NACC2: variants seen among roughly 807,000 people sequenced by gnomAD.
NACC2 encodes the protein nucleus accumbens-associated protein 2.
In NACC2, 8 loss-of-function variants were observed where a neutral mutation model predicts 25.1. That is an observed-to-expected ratio of 0.32 (90% CI 0.19 to 0.57). The LOEUF (loss-of-function observed/expected upper bound fraction) is 0.57, where lower values mean the gene tolerates loss of function less well. NACC2 is among the 20% of genes least tolerant of loss of function. The probability of loss-of-function intolerance (pLI) is 0.89; values close to 1 mark genes in which losing one functional copy is unlikely to be tolerated. For missense variants in NACC2, 644 were observed against 650.2 expected, an observed-to-expected ratio of 0.99 and a Z score of 0.10; for synonymous variants, 435 against 294.7, an observed-to-expected ratio of 1.48 and a Z score of -4.88.
intron 5 of NACC2, among the ~76,000 whole-genome samples, chr9:136,012,854 G>C (rs1840133448): frequency 6.6e-6 from 1 of 152,224 alleles, no homozygotes; most frequent in Non-Finnish European, 1.5e-5. Flanking sequence ...CCAAGAGCGG[G>C]AGGCAGAAGC....
intron 1 of NACC2, among the ~76,000 whole-genome samples, chr9:136,089,162 C>T (rs1453553505): frequency 1.3e-5 from 2 of 152,136 alleles, no homozygotes; most frequent in Non-Finnish European, 2.9e-5. Flanking sequence ...ACCAGCGGGG[C>T]GGCAGCCACA....
At chr9:136,030,787 G>A (rs76537856) in intron 2 of NACC2, among the ~76,000 whole-genome samples, 3 of 151,906 alleles carry the variant, frequency 2.0e-5, no homozygotes, top group African/African-American at 7.3e-5. Context: ...TCAGCCTCCC[G>A]AGTAGCTGGG....
rs1020141332 is a variant in NACC2, at chr9:136,046,937, T to C, written c.886+2699A>G. Among the ~76,000 whole-genome samples, 12 of 152,292 alleles carry C rather than the reference T, an allele frequency of 7.9e-5. No individual in the cohort carries two copies. The East Asian group carries it at 1.5e-3, about 20-fold the overall frequency. On this transcript the variant is annotated intron_variant, in intron 2 of 5. Transcript: ENST00000277554. ...ACAGCCCTACAGGACAAACTGTCCA[T>C]GGTTCTTAACGCGAGAGAGGGTGGA...
chr9:136,041,064 G>A (rs1470671783), intron 2 of NACC2, among the ~76,000 whole-genome samples: 2 of 146,000 alleles, frequency 1.4e-5, no homozygotes, highest in Admixed American at 6.9e-5. Flanking sequence ...GGAAGGAAAG[G>A]AAGGAAGGAA....
intron 1 of NACC2, 108 bp from the exon 2 acceptor site, chr9:136,050,688 C>A: frequency 3.2e-6 from 2 of 632,596 alleles, no homozygotes; most frequent in South Asian, 1.8e-5. Flanking sequence ...AAAGAGCGAG[C>A]CTTCCGCACG....
rs2131136165 is a variant in NACC2 at position 136,018,106 on chromosome 9, G to A, written c.887-1677C>T. 6.6e-6 allele frequency among the ~76,000 whole-genome samples: 1 copy of A among 152,296 alleles called. No homozygotes were observed. The highest frequency in any genetic ancestry group is 2.1e-4 in the South Asian group (1 of 4,828). On this transcript the variant is annotated intron_variant, in intron 2 of 5. Transcript: ENST00000277554. This position sits in a 1 kb window ranked among gnomAD's most constrained non-coding sequence, Gnocchi z 4.4. The stretch of plus-strand genomic sequence containing the variant: ...AACCTGCACGTCCAGCAGGCTCGGG[G>A]CAGGCAGCTCCATGCAGAGCCCACC...
intron 3 of NACC2, among the ~76,000 whole-genome samples, chr9:136,015,971 C>T (rs114300341): frequency 0.018 from 2,695 of 152,266 alleles, 79 homozygotes; most frequent in African/African-American, 0.062. Flanking sequence ...GGCGGGGGGA[C>T]TGGCAACTAT....
In NACC2 at chr9:136,016,272, C is replaced by T. The variant is rs755165066; in HGVS notation, c.1044G>A (p.Leu348=). The T allele has an allele frequency of 6.2e-7, 1 of 1,612,762 alleles. No individual in the cohort carries two copies. The highest frequency in any genetic ancestry group is 1.1e-5 in the South Asian group (1 of 91,064). ...GGTGGGAGGCAGCCTCACCTGCCAC[C>T]AGCTCCAGCTTCTCCCCGGGGTCCC... ...SEGDPGEKLE[L]VAGSGVYITR... The change falls in exon 3 of 6, where the codon CTG becomes CTA. Residue 348 remains leucine, a synonymous_variant. Transcript: ENST00000277554.
At chr9:136,062,842 G>C (rs898248516) in intron 1 of NACC2, among the ~76,000 whole-genome samples, 7 of 152,198 alleles carry the variant, frequency 4.6e-5, no homozygotes, top group African/African-American at 1.7e-4. Context: ...ACCTAAGCCT[G>C]GGAGGCCGAG....
At chr9:136,033,004 C>A (rs1840495938) in intron 2 of NACC2, among the ~76,000 whole-genome samples, 1 of 151,348 alleles carries the variant, frequency 6.6e-6, no homozygotes, top group South Asian at 2.1e-4. Flanking sequence ...GGCAACAGAG[C>A]AAGATTCCAT....
intron 1 of NACC2, among the ~76,000 whole-genome samples, chr9:136,083,842 C>A (rs1830351393): frequency 6.6e-6 from 1 of 152,238 alleles, no homozygotes; most frequent in Non-Finnish European, 1.5e-5. Flanking sequence ...GGACCCCCGG[C>A]CTGGCTGGGT....
chr9:136,075,768 G>A (rs1472348074), intron 1 of NACC2, among the ~76,000 whole-genome samples: 3 of 152,214 alleles, frequency 2.0e-5, no homozygotes, highest in African/African-American at 7.2e-5. Flanking sequence ...AGGCCCTGTC[G>A]GTGAAACCTC....
intron 3 of NACC2, among the ~76,000 whole-genome samples, chr9:136,015,444 C>T (rs898069986): frequency 3.3e-5 from 5 of 152,220 alleles, no homozygotes; most frequent in Non-Finnish European, 7.3e-5. Context: ...GGCCACTCTC[C>T]CATGAGGACC....
chr9:136,070,225 G>A (rs1316317103), intron 1 of NACC2, among the ~76,000 whole-genome samples: 2 of 151,826 alleles, frequency 1.3e-5, no homozygotes, highest in Admixed American at 6.5e-5. Flanking sequence ...AATCAAATAC[G>A]GGCCGGGCGT....
In NACC2 at chr9:136,011,291, C is replaced by T. The variant is rs1465210856; in HGVS notation, c.*225G>A. On this transcript the variant is annotated 3_prime_UTR_variant, in exon 6 of 6. Transcript: ENST00000277554. ...GACCTTGTGAATATCAAAAGGGAGC[C>T]CTGGGAACTTCCTCGCAGGAGGCTG... is the stretch of plus-strand genomic sequence containing the variant. The T allele has an allele frequency of 7.7e-6, 3 of 390,460 alleles. No homozygotes were observed. The highest frequency in any genetic ancestry group is 6.3e-5 in the African/African-American group (3 of 47,686). The allele number at this position is 390,460 out of a possible 1,614,324, so 24.2% of individuals were successfully genotyped here.
intron 1 of NACC2, among the ~76,000 whole-genome samples, chr9:136,060,548 G>A (rs1840995216): frequency 6.6e-6 from 1 of 152,208 alleles, no homozygotes; most frequent in Admixed American, 6.5e-5. Flanking sequence ...GGGCCGGGTG[G>A]GGGGTGCCAC....
intron 1 of NACC2, among the ~76,000 whole-genome samples, chr9:136,053,826 C>T (rs1029482916): frequency 1.1e-4 from 16 of 152,188 alleles, no homozygotes; most frequent in Admixed American, 5.2e-4. Context: ...GAGGCCAGCA[C>T]GGCGCACCGG....
chr9:136,082,758 C>T (rs903768539), intron 1 of NACC2, among the ~76,000 whole-genome samples: 2 of 152,226 alleles, frequency 1.3e-5, no homozygotes, highest in African/African-American at 4.8e-5. Context: ...CCCCTCTCCC[C>T]GGCGGGTGGG....
chr9:136,017,893 C>T (rs1382396169), intron 2 of NACC2, among the ~76,000 whole-genome samples: 1 of 152,216 alleles, frequency 6.6e-6, no homozygotes, highest in African/African-American at 2.4e-5. Flanking sequence ...CCTCCACCTG[C>T]CCGATTGCAC....
Sources: allele counts gnomAD v4.1 joint callset (sites outside exome capture counted in the v4.1 genomes callset), GRCh38; gene constraint gnomAD v4.1.1; non-coding constraint Gnocchi (gnomAD v3.1); transcripts MANE v1.5; gene names NCBI Gene and HGNC (gene_info 2026-07-23, HGNC 2026-07-21).